Variants in NSMCE2 observed in about 807,000 individuals in gnomAD.
The protein encoded by NSMCE2 is E3 SUMO-protein ligase NSE2.
NSMCE2 carries 24 observed loss-of-function variants against 23.8 expected under a neutral mutation model. The ratio of observed to expected loss-of-function variants is 1.01; its 90% confidence interval spans 0.73 to 1.42. NSMCE2 has a LOEUF of 1.42. Ranked by LOEUF, NSMCE2 falls within the 40% of genes most tolerant of loss-of-function variation. The pLI is 0.00. For synonymous variants in NSMCE2, 92 were observed against 94.1 expected (o/e 0.98, Z 0.13); for missense variants, 284 against 296.5 (o/e 0.96, Z 0.31).
intron 5 of NSMCE2, among the ~76,000 whole-genome samples, chr8:125,243,766 C>A (rs1471365096): frequency 6.6e-6 from 1 of 152,140 alleles, no homozygotes; most frequent in Non-Finnish European, 1.5e-5. Flanking sequence ...TACTTTGTAT[C>A]CAATTACCTA....
intron 7 of NSMCE2, among the ~76,000 whole-genome samples, chr8:125,366,434 GGAGGCT>G (rs1460306661): frequency 6.6e-6 from 1 of 152,140 alleles, no homozygotes; most frequent in African/African-American, 2.4e-5. Context: ...CAGCTACTCG[GGAGGCT>G]GAGGCAGGAG....
At chr8:125,124,962 G>A (rs1372872003) in intron 3 of NSMCE2, among the ~76,000 whole-genome samples, 2 of 151,836 alleles carry the variant, frequency 1.3e-5, no homozygotes, top group East Asian at 3.9e-4. Flanking sequence ...ACCTGACTAT[G>A]TTTTATATTT....
chr8:125,269,481 A>G (rs966922463), intron 5 of NSMCE2, among the ~76,000 whole-genome samples: 9 of 152,188 alleles, frequency 5.9e-5, no homozygotes, highest in Non-Finnish European at 1.0e-4. Flanking sequence ...AAACCATGCC[A>G]CTATAAAATG....
At chr8:125,203,468 T>C (rs1156346946) in intron 5 of NSMCE2, among the ~76,000 whole-genome samples, 1 of 152,214 alleles carries the variant, frequency 6.6e-6, no homozygotes, top group African/African-American at 2.4e-5. Flanking sequence ...CAGCCCATGC[T>C]TCATCCTACC....
At chr8:125,152,998 A>T (rs919886806) in intron 4 of NSMCE2, among the ~76,000 whole-genome samples, 2 of 137,262 alleles carry the variant, frequency 1.5e-5, no homozygotes, top group South Asian at 4.9e-4. Flanking sequence ...TGGAGGTTGC[A>T]GTGAGCTGAG....
chr8:125,144,884 A>G (rs1324299810), intron 3 of NSMCE2, among the ~76,000 whole-genome samples: 1 of 152,158 alleles, frequency 6.6e-6, no homozygotes, highest in African/African-American at 2.4e-5. Flanking sequence ...TCAAAAAGAG[A>G]GAATAGTAAT....
At chr8:125,272,016 T>TC (rs1373341741) in intron 5 of NSMCE2, among the ~76,000 whole-genome samples, 4 of 146,348 alleles carry the variant, frequency 2.7e-5, no homozygotes, top group African/African-American at 7.5e-5. Context: ...GTTTCTTTCT[T>TC]TTTTTTTTTT....
At chr8:125,346,158 A>G (rs963367067) in intron 5 of NSMCE2, among the ~76,000 whole-genome samples, 5 of 146,724 alleles carry the variant, frequency 3.4e-5, no homozygotes, top group Non-Finnish European at 7.6e-5. Flanking sequence ...ACTCCGTCTC[A>G]AAAAAAAAAA....
At chr8:125,342,744 G>C (rs185615707) in intron 5 of NSMCE2, among the ~76,000 whole-genome samples, 5 of 152,134 alleles carry the variant, frequency 3.3e-5, no homozygotes, top group Admixed American at 2.0e-4. Flanking sequence ...ACAAGACCCT[G>C]AAAACTAAGT....
intron 7 of NSMCE2, among the ~76,000 whole-genome samples, chr8:125,362,546 C>G (rs1374754580): frequency 6.6e-6 from 1 of 152,222 alleles, no homozygotes; most frequent in Non-Finnish European, 1.5e-5. Context: ...CAGTCCTTGA[C>G]ACACATCAGC....
At chr8:125,262,331 A>G (rs1279347062) in intron 5 of NSMCE2, among the ~76,000 whole-genome samples, 1 of 151,982 alleles carries the variant, frequency 6.6e-6, no homozygotes, top group African/African-American at 2.4e-5. Flanking sequence ...AGACTGAGGC[A>G]GGAAATGGCA....
chr8:125,187,873 A>G (rs1418387248), intron 5 of NSMCE2, among the ~76,000 whole-genome samples: 1 of 152,214 alleles, frequency 6.6e-6, no homozygotes, highest in Non-Finnish European at 1.5e-5. Context: ...AGGAGAACGT[A>G]TCATATTATC....
chr8:125,240,819 C>T (rs1305817949), intron 5 of NSMCE2, among the ~76,000 whole-genome samples: 3 of 151,934 alleles, frequency 2.0e-5, no homozygotes, highest in Non-Finnish European at 2.9e-5. Flanking sequence ...TTTTTGACAG[C>T]CTGAAAATCA....
At chr8:125,264,191 C>T (rs919484483) in intron 5 of NSMCE2, among the ~76,000 whole-genome samples, 2 of 152,212 alleles carry the variant, frequency 1.3e-5, no homozygotes, top group African/African-American at 4.8e-5. Flanking sequence ...AGGCATAGCC[C>T]AAAGTGGACT....
At chr8:125,097,402 C>T (rs1163849664) in intron 1 of NSMCE2, among the ~76,000 whole-genome samples, 6 of 152,088 alleles carry the variant, frequency 3.9e-5, no homozygotes. Context: ...GAATGAAATC[C>T]AGTTATCTTC....
intron 3 of NSMCE2, among the ~76,000 whole-genome samples, chr8:125,139,652 A>G (rs944219157): frequency 3.3e-5 from 5 of 152,160 alleles, no homozygotes; most frequent in African/African-American, 1.2e-4. Flanking sequence ...ACAGCACAGG[A>G]AAGACCTGCC....
chr8:125,117,619 A>G (rs1007628219), intron 3 of NSMCE2, among the ~76,000 whole-genome samples: 1 of 151,886 alleles, frequency 6.6e-6, no homozygotes, highest in African/African-American at 2.4e-5. Context: ...GGCTCAAATG[A>G]TTCTCCCAAC....
intron 5 of NSMCE2, among the ~76,000 whole-genome samples, chr8:125,315,624 G>C (rs1333531269): frequency 1.3e-5 from 2 of 152,190 alleles, no homozygotes; most frequent in Non-Finnish European, 2.9e-5. Flanking sequence ...ATAGAACCTT[G>C]CTAAAGGTTA....
intron 5 of NSMCE2, among the ~76,000 whole-genome samples, chr8:125,303,519 T>C (rs1828642031): frequency 6.6e-6 from 1 of 152,138 alleles, no homozygotes; most frequent in Non-Finnish European, 1.5e-5. Context: ...TAACTGCTTA[T>C]TTTGTGCGAA....
Sources: gnomAD v4.1 joint callset for allele counts (sites outside exome capture counted in the v4.1 genomes callset) on GRCh38, gnomAD v4.1.1 for gene constraint, MANE v1.5 for transcripts, NCBI Gene and HGNC (gene_info 2026-07-23, HGNC 2026-07-21) for gene names.